Variants in MAP2K6 observed in about 807,000 individuals in gnomAD.
The protein encoded by MAP2K6 is dual specificity mitogen-activated protein kinase kinase 6.
MAP2K6 carries 16 observed loss-of-function variants against 53.7 expected under a neutral mutation model. The ratio of observed to expected loss-of-function variants is 0.30; its 90% CI spans 0.20 to 0.45. The LOEUF is 0.45. Ranked by LOEUF, MAP2K6 falls within the 20% of genes least tolerant of loss-of-function variation. The probability of loss-of-function intolerance (pLI) is 1.00; values close to 1 mark genes in which losing one functional copy is unlikely to be tolerated. For synonymous variants in MAP2K6, 132 were observed against 143.1 expected (o/e 0.92, Z 0.55); for missense variants, 204 against 411.9 (o/e 0.50, Z 4.37).
intron 2 of MAP2K6, among the ~76,000 whole-genome samples, chr17:69,515,467 A>G (rs1436072614): frequency 6.6e-6 from 1 of 152,100 alleles, no homozygotes; most frequent in Non-Finnish European, 1.5e-5. Context: ...AGCATTTGCT[A>G]TGTTTATTGT....
chr17:69,503,177 G>A (rs1225926647), intron 1 of MAP2K6, among the ~76,000 whole-genome samples: 11 of 152,152 alleles, frequency 7.2e-5, no homozygotes, highest in Admixed American at 7.2e-4. Flanking sequence ...TCTGTCACCT[G>A]CACTGGAATT....
chr17:69,423,209 C>G (rs1406443981), intron 1 of MAP2K6, among the ~76,000 whole-genome samples: 1 of 151,922 alleles, frequency 6.6e-6, no homozygotes, highest in Non-Finnish European at 1.5e-5. Flanking sequence ...TAAGTATAGC[C>G]CGTGAGCGAA....
chr17:69,512,328 G>GTTTTTTTTTTTTTTTT lies in MAP2K6; in HGVS notation c.84-4517_84-4516insTTTTTTTTTTTTTTTT, dbSNP rs796414361. Among the ~76,000 whole-genome samples the GTTTTTTTTTTTTTTTT allele has an allele frequency of 2.9e-4, 22 of 75,216 alleles. 6 individuals carry two copies. The highest frequency in any genetic ancestry group is 6.2e-4 in the Admixed American group (4 of 6,446). The allele number at this position is 75,216 out of a possible 152,430, so 49.3% of individuals were successfully genotyped here. Reference sequence around the variant, plus strand: ...TTCTAATCTCATTGTCTTTCTAAGTGTTTTTTTTTTGTTTTTTTTTTTTTT... The same window carrying GTTTTTTTTTTTTTTTT: ...TTCTAATCTCATTGTCTTTCTAAGTGTTTTTTTTTTTTTTTTTTTTTTTTTTGTTTTTTTTTTTTTT... On this transcript the variant is annotated intron_variant, in intron 2 of 11. Transcript: ENST00000590474.
At chr17:69,480,746 A>C (rs1567833458) in intron 1 of MAP2K6, among the ~76,000 whole-genome samples, 1 of 152,194 alleles carries the variant, frequency 6.6e-6, no homozygotes, top group East Asian at 1.9e-4. Flanking sequence ...AATCATCTGA[A>C]AACAACCTGA....
At chr17:69,451,259 C>T (rs900618872) in intron 1 of MAP2K6, among the ~76,000 whole-genome samples, 1 of 152,128 alleles carries the variant, frequency 6.6e-6, no homozygotes, top group Non-Finnish European at 1.5e-5. Flanking sequence ...GGTTGCAAGC[C>T]GGTGGTAGCT....
At chr17:69,454,008 T>C (rs1907317819) in intron 1 of MAP2K6, among the ~76,000 whole-genome samples, 1 of 152,248 alleles carries the variant, frequency 6.6e-6, no homozygotes, top group Non-Finnish European at 1.5e-5. Flanking sequence ...TTTACCCATG[T>C]AGGTAACCTT....
At chr17:69,431,103 T>G (rs1906448434) in intron 1 of MAP2K6, among the ~76,000 whole-genome samples, 1 of 152,214 alleles carries the variant, frequency 6.6e-6, no homozygotes, top group Non-Finnish European at 1.5e-5. Flanking sequence ...GGTCTAATCC[T>G]TCTCAAAACC....
intron 1 of MAP2K6, among the ~76,000 whole-genome samples, chr17:69,496,955 A>C (rs1052078473): frequency 6.6e-6 from 1 of 152,056 alleles, no homozygotes; most frequent in African/African-American, 2.4e-5. Context: ...CATTTTTATT[A>C]CCACTACTAT....
At chr17:69,506,408 GTT>G (rs35559627) in intron 2 of MAP2K6, among the ~76,000 whole-genome samples, 57,995 of 142,084 alleles carry the variant, frequency 0.41, 11,540 homozygotes, top group East Asian at 0.53. Flanking sequence ...TCTCCTTCTT[GTT>G]TTTTTTTTTT....
intron 2 of MAP2K6, among the ~76,000 whole-genome samples, chr17:69,515,727 T>A (rs571744538): frequency 1.3e-5 from 2 of 152,262 alleles, no homozygotes; most frequent in East Asian, 3.9e-4. Context: ...GACAGCCTGG[T>A]TGAGTAGAGA....
intron 1 of MAP2K6, among the ~76,000 whole-genome samples, chr17:69,495,998 T>A (rs1908932054): frequency 6.6e-6 from 1 of 152,118 alleles, no homozygotes; most frequent in Non-Finnish European, 1.5e-5. Flanking sequence ...CTCAGGGCAT[T>A]GGCTGTGATT....
rs1911905202 is a variant in MAP2K6 at position 69,547,059 on chromosome 17, A to G, written c.*5306A>G. 6.6e-6 allele frequency: 1 copy of G among 152,076 alleles called. No homozygotes were observed. Among genetic ancestry groups the G allele is most frequent in the Non-Finnish European group, 1.5e-5 (1 of 68,014 alleles). The allele number at this position is 152,076 out of a possible 1,614,324, so 9.4% of individuals were successfully genotyped here. On this transcript the variant is annotated 3_prime_UTR_variant, in exon 12 of 12. Coordinates refer to ENST00000590474, the MANE Select transcript of MAP2K6 (RefSeq NM_002758.4). ...AGCACTGTTAAATGTGCTGACAGCTAAAGATGCTCTTTGGGTTTTTTTTTT... is the reference window on the plus strand; with the variant it reads ...AGCACTGTTAAATGTGCTGACAGCTGAAGATGCTCTTTGGGTTTTTTTTTT...
chr17:69,505,411 C>T, intron 1 of MAP2K6: 1 of 199,770 alleles, frequency 5.0e-6, no homozygotes, highest in Non-Finnish European at 1.0e-5. Context: ...CCACTGTACT[C>T]CAGCCTGGGT....
At chr17:69,449,636 A>C (rs1598267257) in intron 1 of MAP2K6, among the ~76,000 whole-genome samples, 1 of 55,342 alleles carries the variant, frequency 1.8e-5, no homozygotes, top group African/African-American at 6.9e-5. Context: ...TTTTTTTGAG[A>C]CGGAGTCTCG....
intron 11 of MAP2K6, among the ~76,000 whole-genome samples, chr17:69,539,633 A>G (rs1012943246): frequency 6.6e-6 from 1 of 152,064 alleles, no homozygotes; most frequent in Non-Finnish European, 1.5e-5. Flanking sequence ...TAAAGACTTC[A>G]AGTCAGGTTA....
chr17:69,505,041 T>C (rs1909388864), intron 1 of MAP2K6, among the ~76,000 whole-genome samples: 1 of 150,294 alleles, frequency 6.7e-6, no homozygotes, highest in African/African-American at 2.5e-5. Flanking sequence ...AATAGTGGGT[T>C]ACTAAGATAA....
intron 1 of MAP2K6, among the ~76,000 whole-genome samples, chr17:69,482,307 T>A (rs889140657): frequency 3.9e-5 from 6 of 152,110 alleles, no homozygotes; most frequent in African/African-American, 1.4e-4. Context: ...GATTTATTAT[T>A]TTTTTAAACT....
chr17:69,545,791 C>T lies in MAP2K6; in HGVS notation c.*4038C>T, dbSNP rs1279600489. ...ATCCCAGCACTTTGGGAGGCTGAGG[C>T]AGGTGGATCACCTCAGGTCAGGAAT... On this transcript the variant is annotated 3_prime_UTR_variant, in exon 12 of 12. Coordinates refer to ENST00000590474, the MANE Select transcript of MAP2K6 (RefSeq NM_002758.4). 1 of 152,196 alleles carries T rather than the reference C, an allele frequency of 6.6e-6. No homozygotes were observed. The highest frequency in any genetic ancestry group is 1.5e-5 in the Non-Finnish European group (1 of 68,072). The allele number at this position is 152,196 out of a possible 1,614,324, so 9.4% of individuals were successfully genotyped here.
At chr17:69,492,010 T>C (rs1908773465) in intron 1 of MAP2K6, among the ~76,000 whole-genome samples, 1 of 152,178 alleles carries the variant, frequency 6.6e-6, no homozygotes, top group African/African-American at 2.4e-5. Flanking sequence ...GCTGTTTGCT[T>C]TTTTCTTGTA....
Sources: gnomAD v4.1 joint callset for allele counts (sites outside exome capture counted in the v4.1 genomes callset) on GRCh38, gnomAD v4.1.1 for gene constraint, MANE v1.5 for transcripts, NCBI Gene and HGNC (gene_info 2026-07-23, HGNC 2026-07-21) for gene names.